RASSF3: variants seen among roughly 807,000 people sequenced by gnomAD.
The protein encoded by RASSF3 is Ras association domain family member 3, also known as ras association domain-containing protein 3.
In RASSF3, 19 loss-of-function variants were observed where a neutral mutation model predicts 19.9. That is an observed-to-expected ratio of 0.96 (90% CI 0.67 to 1.40). The LOEUF (loss-of-function observed/expected upper bound fraction) is 1.40. Ranked by LOEUF, RASSF3 falls within the 40% of genes most tolerant of loss-of-function variation. The pLI, the probability that RASSF3 is intolerant of heterozygous loss-of-function variation, is 0.00. For synonymous variants in RASSF3, 110 were observed against 104.2 expected, an observed-to-expected ratio of 1.06 and a Z score of -0.34; for missense variants, 306 against 289.8, an observed-to-expected ratio of 1.06 and a Z score of -0.41.
intron 2 of RASSF3, among the ~76,000 whole-genome samples, chr12:64,596,879 G>A (rs1870006636): frequency 6.6e-6 from 1 of 151,772 alleles, no homozygotes; most frequent in South Asian, 2.1e-4. Context: ...ACAGGCATGT[G>A]CCACCACACC....
chr12:64,622,966 G>A (rs998219515), intron 1 of RASSF3, among the ~76,000 whole-genome samples: 2 of 151,722 alleles, frequency 1.3e-5, no homozygotes, highest in African/African-American at 4.8e-5. Context: ...GAATACAGGC[G>A]CATACCACCA....
chr12:64,517,331 T>A (rs1438332118), intron 1 of RASSF3, among the ~76,000 whole-genome samples: 8 of 151,362 alleles, frequency 5.3e-5, no homozygotes, highest in Admixed American at 1.3e-4. Context: ...TAAGCTATAA[T>A]CTTGATGTGG....
chr12:64,682,337 C>T (rs1225701408), intron 1 of RASSF3, among the ~76,000 whole-genome samples: 4 of 151,956 alleles, frequency 2.6e-5, no homozygotes, highest in Non-Finnish European at 4.4e-5. Flanking sequence ...TTTGGGAGGC[C>T]GAGGCGGGCG....
chr12:64,581,855 C>T (rs912912380), intron 2 of RASSF3, among the ~76,000 whole-genome samples: 6 of 151,124 alleles, frequency 4.0e-5, no homozygotes, highest in Admixed American at 2.0e-4. Flanking sequence ...AAGAGATTGA[C>T]CTTTTTTTTT....
chr12:64,536,231 C>T (rs776863272), intron 1 of RASSF3, among the ~76,000 whole-genome samples: 15 of 149,630 alleles, frequency 1.0e-4, no homozygotes, highest in Non-Finnish European at 2.2e-4. Flanking sequence ...AGGATGGTCT[C>T]GATCTCCTGA....
intron 2 of RASSF3, among the ~76,000 whole-genome samples, chr12:64,572,269 A>G (rs543314196): frequency 6.6e-6 from 1 of 152,314 alleles, no homozygotes; most frequent in African/African-American, 2.4e-5. Flanking sequence ...AGATGAGCCC[A>G]TGAGGCTGGG....
chr12:64,595,503 G>A (rs958134708), intron 2 of RASSF3, among the ~76,000 whole-genome samples: 1 of 152,156 alleles, frequency 6.6e-6, no homozygotes, highest in Admixed American at 6.6e-5. Context: ...TATAAACCCT[G>A]GGGAATATTT....
chr12:64,691,578 A>C lies in RASSF3; in HGVS notation c.566A>C (p.Glu189Ala). ...SFVLREHEIG[E>A]WEAFSLPELQ... is the part of the protein sequence containing the mutation. ...GTTCTTCGTGAACATGAAATTGGAG[A>C]GGTAAGTTATTGTTCACTATTGCTT... Residue 189 changes from glutamate (E) to alanine (A), a missense_variant and splice_region_variant, in exon 4 of 5, where the codon GAG (glutamate) becomes GCG (alanine). Coordinates refer to ENST00000542104, the MANE Select transcript of RASSF3 (RefSeq NM_178169.4). 3.1e-6 allele frequency: 5 copies of C among 1,593,062 alleles called. No homozygotes were observed. The highest frequency in any genetic ancestry group is 4.3e-6 in the Non-Finnish European group (5 of 1,160,968).
intron 2 of RASSF3, among the ~76,000 whole-genome samples, chr12:64,598,857 T>C (rs1870039401): frequency 1.3e-5 from 2 of 151,702 alleles, no homozygotes; most frequent in African/African-American, 4.8e-5. Context: ...TCATTTACAT[T>C]AGGTATATCT....
chr12:64,624,891 T>C (rs1325083593), intron 1 of RASSF3, among the ~76,000 whole-genome samples: 2 of 151,370 alleles, frequency 1.3e-5, no homozygotes, highest in East Asian at 3.9e-4. Flanking sequence ...ATGGTCTCGA[T>C]CTCCTGACTT....
intron 1 of RASSF3, among the ~76,000 whole-genome samples, chr12:64,508,690 G>A (rs868604627): frequency 2.6e-5 from 4 of 152,188 alleles, no homozygotes; most frequent in South Asian, 4.1e-4. Flanking sequence ...TTCAAGACCA[G>A]CCTGACCAAC....
upstream of RASSF3, among the ~76,000 whole-genome samples, chr12:64,530,605 G>A (rs1868688439): frequency 6.6e-6 from 1 of 152,178 alleles, no homozygotes. Flanking sequence ...GAATGGCTGT[G>A]TCATATGGTA....
chr12:64,632,943 C>A (rs1014868530), intron 1 of RASSF3, among the ~76,000 whole-genome samples: 3 of 152,150 alleles, frequency 2.0e-5, no homozygotes, highest in Non-Finnish European at 4.4e-5. Flanking sequence ...GAAAAAAAGT[C>A]TTTGAAGACC....
upstream of RASSF3, among the ~76,000 whole-genome samples, chr12:64,531,535 T>G (rs926517409): frequency 6.6e-6 from 1 of 152,246 alleles, no homozygotes; most frequent in Admixed American, 6.5e-5. Context: ...CACCACTATT[T>G]TTTCCAAAAT....
chr12:64,511,854 C>T (rs1215590431), intron 1 of RASSF3, among the ~76,000 whole-genome samples: 1 of 152,142 alleles, frequency 6.6e-6, no homozygotes, highest in African/African-American at 2.4e-5. Flanking sequence ...AGCTAGAAGA[C>T]CTAGCTGTTT....
intron 1 of RASSF3, among the ~76,000 whole-genome samples, chr12:64,622,769 C>G (rs1247301894): frequency 6.6e-6 from 1 of 151,728 alleles, no homozygotes; most frequent in Non-Finnish European, 1.5e-5. Context: ...ATGAGCCCTC[C>G]TTAATCCCCA....
chr12:64,546,924 A>G (rs1431368223), intron 2 of RASSF3, among the ~76,000 whole-genome samples: 5 of 145,596 alleles, frequency 3.4e-5, no homozygotes, highest in Non-Finnish European at 7.4e-5. Context: ...AAGAACCACA[A>G]AAACCATTCC....
intron 2 of RASSF3, among the ~76,000 whole-genome samples, chr12:64,561,475 C>A (rs1869345881): frequency 6.6e-6 from 1 of 152,178 alleles, no homozygotes. Flanking sequence ...TGACCTCCTG[C>A]ATCATGACAA....
chr12:64,663,472 A>G (rs1177637670), intron 1 of RASSF3, among the ~76,000 whole-genome samples: 1 of 152,172 alleles, frequency 6.6e-6, no homozygotes, highest in Non-Finnish European at 1.5e-5. Flanking sequence ...AAAAATATAC[A>G]TATCAGGGAT....
Sources: gnomAD v4.1 joint callset for allele counts (sites outside exome capture counted in the v4.1 genomes callset) on GRCh38, gnomAD v4.1.1 for gene constraint, MANE v1.5 for transcripts, NCBI Gene and HGNC (gene_info 2026-07-23, HGNC 2026-07-21) for gene names.